Variants in SRBD1 observed in about 807,000 individuals in gnomAD.
SRBD1 encodes S1 RNA-binding domain-containing protein 1.
Under a neutral mutation model 115.3 loss-of-function variants are expected in SRBD1, and 88 were observed. The ratio of observed to expected loss-of-function variants is 0.76; its 90% confidence interval spans 0.64 to 0.91. The LOEUF is 0.91. Ranked by LOEUF, SRBD1 falls within the 40% of genes least tolerant of loss-of-function variation. The pLI, the probability that SRBD1 is intolerant of heterozygous loss-of-function variation, is 0.00. For missense variants in SRBD1, 1,385 were observed against 1,177.4 expected, an observed-to-expected ratio of 1.18 and a Z score of -2.58; for synonymous variants, 509 against 407.7, an observed-to-expected ratio of 1.25 and a Z score of -2.99.
At chr2:45,538,181 A>G (rs574146893) in intron 14 of SRBD1, among the ~76,000 whole-genome samples, 52 of 152,354 alleles carry the variant, frequency 3.4e-4, no homozygotes, top group African/African-American at 1.2e-3. Flanking sequence ...CTTCCTTGCA[A>G]GGGAAATCTC....
At chr2:45,462,020 C>T (rs962751782) in intron 16 of SRBD1, among the ~76,000 whole-genome samples, 1 of 151,442 alleles carries the variant, frequency 6.6e-6, no homozygotes, top group East Asian at 1.9e-4. Context: ...AGAAAAGAAA[C>T]AGAGATTAAA....
intron 14 of SRBD1, among the ~76,000 whole-genome samples, chr2:45,538,051 A>C (rs1340855870): frequency 6.6e-6 from 1 of 152,210 alleles, no homozygotes; most frequent in Non-Finnish European, 1.5e-5. Flanking sequence ...CTTTCAACAG[A>C]TTCTGTCCAA....
rs778863770 is a variant in SRBD1, at chr2:45,581,770, T to A, written c.856A>T (p.Lys286Ter). ...KKVHSTIQKIKKEGKMSECLL... is the reference protein window; with the variant it reads ...KKVHSTIQKI Reference sequence around the variant, plus strand: ...CACTCAGACATCTTCCCTTCCTTCTTAATTTTCTGGATTGTACTATGAACT... The same window carrying A: ...CACTCAGACATCTTCCCTTCCTTCTAAATTTTCTGGATTGTACTATGAACT... The change falls in exon 6 of 21, where the codon AAG (lysine) becomes TAG (stop). Residue 286 changes from lysine to a stop codon, truncating the protein, a stop_gained. Coordinates refer to ENST00000263736, the MANE Select transcript of SRBD1 (RefSeq NM_018079.5). LOFTEE classifies it high-confidence loss of function. 1 of 1,613,612 alleles carries A rather than the reference T, an allele frequency of 6.2e-7. No individual in the cohort carries two copies. The highest frequency in any genetic ancestry group is 8.5e-7 in the Non-Finnish European group (1 of 1,179,772).
rs573660884 is a variant in SRBD1 at position 45,475,007 on chromosome 2, T to C, written c.2049+1986A>G. 3.3e-5 allele frequency among the ~76,000 whole-genome samples: 5 copies of C among 152,318 alleles called. No individual in the cohort carries two copies. The East Asian group carries it at 9.6e-4, about 29-fold the overall frequency. ...CTTAGTTTCATTATTTGCTGAACAGTGAGTAGTCCAATGTTAATATGGCTA... is the reference window on the plus strand; with the variant it reads ...CTTAGTTTCATTATTTGCTGAACAGCGAGTAGTCCAATGTTAATATGGCTA... On this transcript the variant is annotated intron_variant, in intron 16 of 20. Transcript: ENST00000263736.
intron 16 of SRBD1, chr2:45,447,473 G>T (rs1012121034): frequency 3.4e-4 from 51 of 152,078 alleles, no homozygotes; most frequent in African/African-American, 1.1e-3. Context: ...GAAAAGGCAT[G>T]TCACATTTCC....
At chr2:45,500,958 T>C (rs1176267873) in intron 14 of SRBD1, among the ~76,000 whole-genome samples, 3 of 152,216 alleles carry the variant, frequency 2.0e-5, no homozygotes, top group African/African-American at 7.2e-5. Flanking sequence ...ACTTGTCTTG[T>C]TCTGTATCTT....
Position 45,562,762 on chromosome 2 carries a change from T to G in SRBD1, c.1306-6A>C, listed in dbSNP as rs774498573. On this transcript the variant is annotated splice_region_variant and splice_polypyrimidine_tract_variant and intron_variant, in intron 9 of 20. Coordinates refer to ENST00000263736, the MANE Select transcript of SRBD1 (RefSeq NM_018079.5). Reference sequence around the variant, plus strand: ...CCACGGTTAATTGCCAGAATCTGAGTGCAAACATAAGGCAAAGACTAATAA... The same window carrying G: ...CCACGGTTAATTGCCAGAATCTGAGGGCAAACATAAGGCAAAGACTAATAA... 6 of 1,595,708 alleles carry G rather than the reference T, an allele frequency of 3.8e-6. No homozygotes were observed. Among genetic ancestry groups the G allele is most frequent in the Non-Finnish European group, 4.3e-6 (5 of 1,170,644 alleles).
chr2:45,568,161 T>G (rs539409773), intron 9 of SRBD1: 1 of 152,082 alleles, frequency 6.6e-6, no homozygotes, highest in Non-Finnish European at 1.5e-5. Flanking sequence ...CATGAGAGAA[T>G]GTGAAGACTG....
intron 14 of SRBD1, among the ~76,000 whole-genome samples, chr2:45,536,395 A>T (rs994127438): frequency 5.9e-5 from 9 of 151,992 alleles, no homozygotes; most frequent in African/African-American, 2.2e-4. Flanking sequence ...TAGGTAGAAG[A>T]CTTGTTCTAG....
intron 14 of SRBD1, among the ~76,000 whole-genome samples, chr2:45,490,777 T>A (rs1408900289): frequency 6.6e-6 from 1 of 152,026 alleles, no homozygotes; most frequent in Non-Finnish European, 1.5e-5. Context: ...TAATAAATAT[T>A]CCTCCAAATA....
chr2:45,602,216 G>T, intron 2 of SRBD1, 133 bp from the exon 3 acceptor site: 1 of 1,011,386 alleles, frequency 9.9e-7, no homozygotes, highest in Non-Finnish European at 1.4e-6. Context: ...TTGAGTACAG[G>T]CTGTGAACAG....
intron 19 of SRBD1, among the ~76,000 whole-genome samples, chr2:45,396,647 G>A (rs1014489494): frequency 1.3e-5 from 2 of 152,126 alleles, no homozygotes; most frequent in African/African-American, 4.8e-5. Flanking sequence ...ACCTAAAATG[G>A]CTAATATTTT....
At chr2:45,556,943 T>C (rs1672498163) in intron 10 of SRBD1, among the ~76,000 whole-genome samples, 1 of 152,118 alleles carries the variant, frequency 6.6e-6, no homozygotes, top group African/African-American at 2.4e-5. Context: ...CTGCTGTTAT[T>C]ATTAATATGG....
At chr2:45,550,998 T>C in intron 12 of SRBD1, 127 bp downstream of exon 12, 2 of 1,078,946 alleles carry the variant, frequency 1.9e-6, no homozygotes, top group Non-Finnish European at 2.6e-6. Flanking sequence ...CCAACACCCC[T>C]GTATGTGAGA....
In SRBD1 at chr2:45,488,327, C is replaced by T. The variant is rs776294651; in HGVS notation, c.1879G>A (p.Val627Ile). 2.5e-5 allele frequency: 41 copies of T among 1,612,754 alleles called. No individual in the cohort carries two copies. The South Asian group carries it at 2.9e-4, about 11-fold the overall frequency. ...TAGATTGATGCTCCTGCTTCACTGA[C>T]GATACTGAGAAGACAGAAAAAGGGG... ...FAPLDVVYCI[V>I]SEAGASIYSV... The change falls in exon 15 of 21, where the codon GTC (valine) becomes ATC (isoleucine). Residue 627 changes from valine (V) to isoleucine (I), a missense_variant. By Grantham distance (29) the Val-to-Ile change is conservative. Transcript: ENST00000263736.
At chr2:45,437,169 A>T (rs1330729908) in intron 16 of SRBD1, among the ~76,000 whole-genome samples, 1 of 152,134 alleles carries the variant, frequency 6.6e-6, no homozygotes, top group Non-Finnish European at 1.5e-5. Context: ...TACTGTCAAG[A>T]TGTCAGTTCT....
At chr2:45,549,680 G>A (rs552145708) in intron 12 of SRBD1, among the ~76,000 whole-genome samples, 31 of 118,252 alleles carry the variant, frequency 2.6e-4, no homozygotes, top group African/African-American at 9.4e-4. Context: ...ACGAAACTCC[G>A]TCTCTACTAA....
At position 45,418,535 on chromosome 2, in the gene SRBD1, A is replaced by C. The variant is rs1242335383; in HGVS notation, c.2163T>G (p.Ile721Met). ...NICSEVLLRH[I>M]AGLNANRAKN... ...TGGCCCTGTTGGCATTGAGTCCTGCAATATGCCTAGAAAAAAAAAATAAGC... is the reference window on the plus strand; with the variant it reads ...TGGCCCTGTTGGCATTGAGTCCTGCCATATGCCTAGAAAAAAAAAATAAGC... Residue 721 changes from isoleucine to methionine, a missense_variant, in exon 18 of 21, where the codon ATT becomes ATG. Ile to Met is a conservative substitution (Grantham distance 10, BLOSUM62 1). Transcript: ENST00000263736. 1 of 1,600,546 alleles carries C rather than the reference A, an allele frequency of 6.2e-7. No homozygotes were observed. Among genetic ancestry groups the C allele is most frequent in the Admixed American group, 1.8e-5 (1 of 55,342 alleles).
At chr2:45,526,340 G>A (rs1671440972) in intron 14 of SRBD1, among the ~76,000 whole-genome samples, 8 of 151,996 alleles carry the variant, frequency 5.3e-5, no homozygotes, top group Admixed American at 5.3e-4. Flanking sequence ...ACGGAAAGAA[G>A]TGAATTACAA....
Sources: gnomAD v4.1 joint callset for allele counts (sites outside exome capture counted in the v4.1 genomes callset) on GRCh38, gnomAD v4.1.1 for gene constraint, MANE v1.5 for transcripts, NCBI Gene and HGNC (gene_info 2026-07-23, HGNC 2026-07-21) for gene names.